The following SLC9A3 variants were observed in gnomAD, a reference collection of about 807,000 sequenced individuals.
SLC9A3 encodes the protein sodium/hydrogen exchanger 3.
A neutral mutation model predicts 86.8 loss-of-function variants in SLC9A3; 37 were observed. The observed-to-expected ratio is 0.43, with a 90% confidence interval of 0.33 to 0.56. The LOEUF is 0.56. Ranked by LOEUF, SLC9A3 falls within the 20% of genes least tolerant of loss-of-function variation. The pLI is 0.06. For missense variants in SLC9A3, 1,011 were observed against 1,171.9 expected (o/e 0.86, Z 2.00); for synonymous variants, 581 against 528.3 (o/e 1.10, Z -1.37).
At chr5:523,408 T>C (rs1733942722) in intron 1 of SLC9A3, among the ~76,000 whole-genome samples, 1 of 150,928 alleles carries the variant, frequency 6.6e-6, no homozygotes, top group Non-Finnish European at 1.5e-5. Flanking sequence ...TAATCCCCCC[T>C]CCACACGAGT....
rs200516387 is a variant in SLC9A3, at chr5:482,721, G to C, written c.1183C>G (p.Arg395Gly). The change falls in exon 7 of 17, where the codon CGC (arginine) becomes GGC (glycine). Residue 395 changes from arginine to glycine, a missense_variant. Arg to Gly is a moderately radical substitution (Grantham distance 125, BLOSUM62 -2). Coordinates refer to ENST00000264938, the MANE Select transcript of SLC9A3 (RefSeq NM_004174.4). ...GVVLQTWLLN[R>G]YRMVQLEPID... ...GGCTCCAGCTGCACCATGCGGTAGCGGTTCAGAAGCCAGGTCTGCAGGACC... is the reference window on the plus strand; with the variant it reads ...GGCTCCAGCTGCACCATGCGGTAGCCGTTCAGAAGCCAGGTCTGCAGGACC... 6.2e-7 allele frequency: 1 copy of C among 1,609,842 alleles called. No individual in the cohort carries two copies. The highest frequency in any genetic ancestry group is 8.5e-7 in the Non-Finnish European group (1 of 1,178,734).
Position 489,395 on chromosome 5 carries a change from C to G in SLC9A3, c.515-919G>C, listed in dbSNP as rs147549697. 3.3e-5 allele frequency among the ~76,000 whole-genome samples: 5 copies of G among 152,326 alleles called. No homozygotes were observed. The East Asian group carries it at 9.7e-4, about 29-fold the overall frequency. ...TGCTGGGCTGGAGCGGAGCCCACCACCCCTCTGGGCTGAGGCTCGGGCTGA... is the reference window on the plus strand; with the variant it reads ...TGCTGGGCTGGAGCGGAGCCCACCAGCCCTCTGGGCTGAGGCTCGGGCTGA... On this transcript the variant is annotated intron_variant, in intron 2 of 16. Transcript: ENST00000264938.
chr5:513,100 G>C (rs1435865178), intron 1 of SLC9A3, among the ~76,000 whole-genome samples: 1 of 152,198 alleles, frequency 6.6e-6, no homozygotes, highest in Non-Finnish European at 1.5e-5. Context: ...GGCACCAGGA[G>C]GGTGAGGGAG....
chr5:502,183 G>A (rs1368308663), intron 1 of SLC9A3, among the ~76,000 whole-genome samples: 1 of 152,212 alleles, frequency 6.6e-6, no homozygotes. Flanking sequence ...AACCGCGCTG[G>A]GGCAAAATGA....
chr5:510,756 G>A (rs957310256), intron 1 of SLC9A3, among the ~76,000 whole-genome samples: 6 of 152,208 alleles, frequency 3.9e-5, no homozygotes, highest in Non-Finnish European at 7.3e-5. Flanking sequence ...GCGGGGGGAA[G>A]GCGAGGGAAA....
chr5:470,510 T>C lies in SLC9A3; in HGVS notation c.*2869A>G, dbSNP rs1738298353. ...TTATAAACAAAGTTTGCACCCAAAATGCCTTGAAATGTTTTTAATAGAATT... is the reference window on the plus strand; with the variant it reads ...TTATAAACAAAGTTTGCACCCAAAACGCCTTGAAATGTTTTTAATAGAATT... On this transcript the variant is annotated 3_prime_UTR_variant, in exon 17 of 17. Transcript: ENST00000264938. 6.6e-6 allele frequency: 1 copy of C among 152,368 alleles called. No individual in the cohort carries two copies. Among genetic ancestry groups the C allele is most frequent in the South Asian group, 2.1e-4 (1 of 4,834 alleles). The allele number at this position is 152,368 out of a possible 1,614,324, so 9.4% of individuals were successfully genotyped here.
intron 1 of SLC9A3, among the ~76,000 whole-genome samples, chr5:503,065 A>G (rs1740379116): frequency 6.6e-6 from 1 of 152,208 alleles, no homozygotes; most frequent in Admixed American, 6.5e-5. Flanking sequence ...GCTGATGCCT[A>G]AAATAGAACT....
Position 496,349 on chromosome 5 carries a change from C to T in SLC9A3, c.212-4278G>A, listed in dbSNP as rs1387329506. On this transcript the variant is annotated intron_variant, in intron 1 of 16. Transcript: ENST00000264938. The surrounding 1 kb of genome is among the most constrained non-coding windows in gnomAD (Gnocchi z 4.7). ...GGGGAGGAGCCGCACCCATCCCCAC[C>T]GGCCAGGCAGGCGTGAGCCACATCT... Among the ~76,000 whole-genome samples, 3 of 148,880 alleles carry T rather than the reference C, an allele frequency of 2.0e-5. No homozygotes were observed. Among genetic ancestry groups the T allele is most frequent in the Non-Finnish European group, 4.5e-5 (3 of 66,792 alleles).
chr5:493,235 A>G (rs1739875182), intron 1 of SLC9A3, among the ~76,000 whole-genome samples: 1 of 152,210 alleles, frequency 6.6e-6, no homozygotes. Context: ...GAGCTTCTTC[A>G]TTCCCTCAGC....
At chr5:520,714 A>G (rs2458819) in intron 1 of SLC9A3, among the ~76,000 whole-genome samples, 151,823 of 152,096 alleles carry the variant, frequency 1, 75,779 homozygotes, top group Middle Eastern at 1. Flanking sequence ...GACCCACCCT[A>G]GGCCTCCTCC....
intron 1 of SLC9A3, among the ~76,000 whole-genome samples, chr5:498,278 T>A (rs1244290494): frequency 1.3e-5 from 2 of 152,060 alleles, no homozygotes; most frequent in Non-Finnish European, 2.9e-5. Flanking sequence ...CTTCCGTGAC[T>A]CACATTCCGG....
chr5:500,079 A>G (rs1282154271), intron 1 of SLC9A3, among the ~76,000 whole-genome samples: 1 of 152,280 alleles, frequency 6.6e-6, no homozygotes, highest in Non-Finnish European at 1.5e-5. Flanking sequence ...GAAGAGCCTC[A>G]GGTCCACCGC....
chr5:490,227 G>A (rs1034534453), intron 2 of SLC9A3, among the ~76,000 whole-genome samples: 1 of 152,256 alleles, frequency 6.6e-6, no homozygotes, highest in Non-Finnish European at 1.5e-5. Context: ...CCTGGGGAGC[G>A]GCCTGCCCCA....
chr5:502,979 G>A (rs960642895), intron 1 of SLC9A3, among the ~76,000 whole-genome samples: 4 of 152,244 alleles, frequency 2.6e-5, no homozygotes, highest in African/African-American at 7.2e-5. Context: ...GCCGAAAGCC[G>A]CTGTAACGAC....
At chr5:492,877 C>T (rs1004311127) in intron 1 of SLC9A3, among the ~76,000 whole-genome samples, 1 of 152,130 alleles carries the variant, frequency 6.6e-6, no homozygotes, top group African/African-American at 2.4e-5. Flanking sequence ...GTGCCCCTCT[C>T]CTGGGATCAC....
intron 15 of SLC9A3, chr5:475,339 A>G (rs1464990027): frequency 6.4e-6 from 4 of 628,490 alleles, no homozygotes; most frequent in Non-Finnish European, 8.3e-6. Context: ...CGCTTCCCTC[A>G]AGACATACCC....
At chr5:520,843 A>G (rs1164584687) in intron 1 of SLC9A3, among the ~76,000 whole-genome samples, 1 of 151,028 alleles carries the variant, frequency 6.6e-6, no homozygotes, top group Non-Finnish European at 1.5e-5. Flanking sequence ...CAGGCCTGGC[A>G]GTCTCTGCAA....
Position 494,897 on chromosome 5 carries a change from G to A in SLC9A3, c.212-2826C>T, listed in dbSNP as rs141212624. Among the ~76,000 whole-genome samples, 385 of 152,296 alleles carry A rather than the reference G, an allele frequency of 2.5e-3. 1 individual carries two copies. Among genetic ancestry groups the A allele is most frequent in the African/African-American group, 8.8e-3 (367 of 41,568 alleles). On this transcript the variant is annotated intron_variant, in intron 1 of 16. Coordinates refer to ENST00000264938, the MANE Select transcript of SLC9A3 (RefSeq NM_004174.4). ...ATGCACGTTCTTTGCCTCTGCCCAC[G>A]TCCCAGGCTGGCTCCTGGAGGGGTA...
At chr5:483,534 GCCC>G (rs1227711750) in intron 5 of SLC9A3, 52 bp from the exon 6 acceptor site, 4 of 1,350,004 alleles carry the variant, frequency 3.0e-6, no homozygotes, top group Non-Finnish European at 4.1e-6. Flanking sequence ...GGCGCCCGAG[GCCC>G]CCGTGTCCGC....
Sources: allele counts gnomAD v4.1 joint callset (sites outside exome capture counted in the v4.1 genomes callset), GRCh38; gene constraint gnomAD v4.1.1; non-coding constraint Gnocchi (gnomAD v3.1); transcripts MANE v1.5; gene names NCBI Gene and HGNC (gene_info 2026-07-23, HGNC 2026-07-21).